CHRM3: variants seen among roughly 807,000 people sequenced by gnomAD.
The protein encoded by CHRM3 is muscarinic acetylcholine receptor M3.
Under a neutral mutation model 41.8 loss-of-function variants are expected in CHRM3, and 11 were observed. The ratio of observed to expected loss-of-function variants is 0.26; its 90% CI spans 0.17 to 0.44. The LOEUF (loss-of-function observed/expected upper bound fraction) is 0.44. Ranked by LOEUF, CHRM3 falls within the 20% of genes least tolerant of loss-of-function variation. The pLI, the probability that CHRM3 is intolerant of heterozygous loss-of-function variation, is 1.00. For missense variants in CHRM3, 571 were observed against 745.4 expected (o/e 0.77, Z 2.72); for synonymous variants, 297 against 301.4 (o/e 0.99, Z 0.15).
At chr1:239,809,779 G>A (rs1363758591) in intron 5 of CHRM3, among the ~76,000 whole-genome samples, 1 of 152,156 alleles carries the variant, frequency 6.6e-6, no homozygotes, top group East Asian at 1.9e-4. Context: ...GATTACAGGC[G>A]TGAGCCACCA....
chr1:239,492,515 C>T (rs771710014), intron 1 of CHRM3, among the ~76,000 whole-genome samples, 194 bp from the exon 2 acceptor site: 16 of 152,274 alleles, frequency 1.1e-4, no homozygotes, highest in Non-Finnish European at 2.1e-4. Context: ...GTGGATATGG[C>T]GGGAAACAGA....
At chr1:239,878,037 C>T (rs1441037270) in intron 6 of CHRM3, among the ~76,000 whole-genome samples, 6 of 151,780 alleles carry the variant, frequency 4.0e-5, no homozygotes, top group South Asian at 2.1e-4. Flanking sequence ...ACTACAGGTG[C>T]GTGCCACCAC....
chr1:239,646,232 T>C (rs1244591370), intron 4 of CHRM3, among the ~76,000 whole-genome samples: 1 of 152,232 alleles, frequency 6.6e-6, no homozygotes, highest in Non-Finnish European at 1.5e-5. Flanking sequence ...AGAATAGCTA[T>C]TCAATTCCTG....
rs555633037 is a variant in CHRM3, at chr1:239,612,210, A to T, written c.-312-20014A>T. On this transcript the variant is annotated intron_variant, in intron 3 of 6. Transcript: ENST00000676153. ...CTGTTGCTCCAATCTTCTTAAAAGG[A>T]AGAGTCTTACATGACATGTGCCATA... 4.6e-5 allele frequency among the ~76,000 whole-genome samples: 7 copies of T among 152,334 alleles called. No homozygotes were observed. In the South Asian group the frequency reaches 1.4e-3, roughly 32 times the overall value.
At chr1:239,809,181 G>A (rs868670948) in intron 5 of CHRM3, among the ~76,000 whole-genome samples, 6 of 5,568 alleles carry the variant, frequency 1.1e-3, no homozygotes, top group East Asian at 0.083. Flanking sequence ...CACCACACCC[G>A]GCTAGTTTTT....
intron 3 of CHRM3, among the ~76,000 whole-genome samples, chr1:239,590,744 T>C (rs1232753302): frequency 6.6e-6 from 1 of 152,150 alleles, no homozygotes; most frequent in African/African-American, 2.4e-5. Context: ...ATCTGAATTT[T>C]TGGCAGGCTG....
intron 1 of CHRM3, among the ~76,000 whole-genome samples, chr1:239,476,599 CT>C (rs1322765768): frequency 6.6e-6 from 1 of 152,028 alleles, no homozygotes; most frequent in Non-Finnish European, 1.5e-5. Flanking sequence ...AGAGCTCTCC[CT>C]TTTGAAATGT....
At chr1:239,676,131 C>G (rs1460913676) in intron 4 of CHRM3, among the ~76,000 whole-genome samples, 1 of 152,196 alleles carries the variant, frequency 6.6e-6, no homozygotes, top group Non-Finnish European at 1.5e-5. Context: ...GTTCTAACTT[C>G]TTGTCAGCAT....
intron 3 of CHRM3, among the ~76,000 whole-genome samples, chr1:239,566,271 A>G (rs1558324348): frequency 6.6e-6 from 1 of 152,162 alleles, no homozygotes; most frequent in Non-Finnish European, 1.5e-5. Flanking sequence ...CAAGCTATAG[A>G]TATTAATGTG....
intron 3 of CHRM3, among the ~76,000 whole-genome samples, chr1:239,570,195 A>G (rs1012258994): frequency 6.6e-6 from 1 of 152,130 alleles, no homozygotes; most frequent in East Asian, 1.9e-4. Flanking sequence ...TGAGTGAATT[A>G]TCATGAGATC....
chr1:239,427,234 A>G (rs1314991809), intron 1 of CHRM3, among the ~76,000 whole-genome samples: 1 of 152,164 alleles, frequency 6.6e-6, no homozygotes, highest in Non-Finnish European at 1.5e-5. Context: ...ATAATTAAGG[A>G]GAATTTGATG....
intron 4 of CHRM3, among the ~76,000 whole-genome samples, chr1:239,648,063 A>G (rs1354604932): frequency 1.3e-5 from 2 of 152,124 alleles, no homozygotes; most frequent in East Asian, 1.9e-4. Context: ...TTTCCTCAGT[A>G]TGTTATTTAA....
In CHRM3 at chr1:239,545,718, A is replaced by G. The variant is rs937620544; in HGVS notation, c.-344A>G. The G allele has an allele frequency of 1.3e-5, 2 of 152,182 alleles. No individual in the cohort carries two copies. Among genetic ancestry groups the G allele is most frequent in the Non-Finnish European group, 2.9e-5 (2 of 68,034 alleles). 9.4% of individuals were successfully genotyped at this position (152,182 alleles called of 1,614,324 possible). A position where few individuals can be genotyped will look rare whatever the true frequency, so the allele number is the denominator to read the frequency against. ...GATTGAATGAACTGTATCCATCCCC[A>G]TCATGATGTACAGAACCAAGTCTCT... On this transcript the variant is annotated 5_prime_UTR_variant, in exon 3 of 7. Transcript: ENST00000676153.
chr1:239,699,793 T>C (rs761751203), intron 5 of CHRM3, among the ~76,000 whole-genome samples: 95 of 152,158 alleles, frequency 6.2e-4, no homozygotes, highest in Non-Finnish European at 1.0e-3. Flanking sequence ...TTATAACAAA[T>C]TGCATACCCA....
intron 3 of CHRM3, among the ~76,000 whole-genome samples, chr1:239,551,635 G>A (rs1483306415): frequency 1.3e-5 from 2 of 151,920 alleles, no homozygotes; most frequent in African/African-American, 2.4e-5. Context: ...GATTTTAACT[G>A]AAATTTTATC....
At chr1:239,742,245 A>G (rs1241422796) in intron 5 of CHRM3, among the ~76,000 whole-genome samples, 2 of 151,872 alleles carry the variant, frequency 1.3e-5, no homozygotes, top group African/African-American at 4.8e-5. Context: ...CTATTACTAT[A>G]AAACAAACCA....
chr1:239,460,381 A>G (rs978411406), intron 1 of CHRM3, among the ~76,000 whole-genome samples: 1 of 152,154 alleles, frequency 6.6e-6, no homozygotes, highest in African/African-American at 2.4e-5. Flanking sequence ...AAGAATGCTA[A>G]TGACACCTTC....
intron 5 of CHRM3, among the ~76,000 whole-genome samples, chr1:239,767,085 A>AT (rs1340290340): frequency 2.6e-5 from 4 of 152,080 alleles, no homozygotes; most frequent in African/African-American, 9.7e-5. Flanking sequence ...TGCTAATTAT[A>AT]TTTTTTCTCA....
At chr1:239,481,768 A>G (rs80141279) in intron 1 of CHRM3, among the ~76,000 whole-genome samples, 197 of 152,312 alleles carry the variant, frequency 1.3e-3, no homozygotes, top group African/African-American at 4.6e-3. Flanking sequence ...TACAAGGTAT[A>G]TCACTATAGG....
Sources: gnomAD v4.1 joint callset for allele counts (sites outside exome capture counted in the v4.1 genomes callset) on GRCh38, gnomAD v4.1.1 for gene constraint, MANE v1.5 for transcripts, NCBI Gene and HGNC (gene_info 2026-07-23, HGNC 2026-07-21) for gene names.